The following NPSR1 variants were observed in gnomAD, a reference collection of about 807,000 sequenced individuals.
The protein encoded by NPSR1 is neuropeptide S receptor 1, also known as neuropeptide S receptor.
Under a neutral mutation model 46.9 loss-of-function variants are expected in NPSR1, and 48 were observed. That is an observed-to-expected ratio of 1.02 (90% CI 0.81 to 1.30). NPSR1 has a LOEUF of 1.30. Ranked by LOEUF, NPSR1 falls within the 50% of genes most tolerant of loss-of-function variation. The pLI, the probability that NPSR1 is intolerant of heterozygous loss-of-function variation, is 0.00. For synonymous variants in NPSR1, 176 were observed against 168.1 expected (o/e 1.05, Z -0.36); for missense variants, 450 against 449.5 (o/e 1.00, Z -0.01).
At chr7:34,830,528 A>G (rs1050132125) in intron 5 of NPSR1, among the ~76,000 whole-genome samples, 1 of 152,116 alleles carries the variant, frequency 6.6e-6, no homozygotes, top group Non-Finnish European at 1.5e-5. Context: ...TTCTTGTTTA[A>G]ATGTTTTTAT....
At chr7:34,762,509 T>C (rs1003839020) in intron 2 of NPSR1, among the ~76,000 whole-genome samples, 1 of 152,214 alleles carries the variant, frequency 6.6e-6, no homozygotes, top group Non-Finnish European at 1.5e-5. Flanking sequence ...TCTTCAAGAC[T>C]TGTGCCATTT....
At chr7:34,667,007 A>C (rs1303650210) in intron 1 of NPSR1, among the ~76,000 whole-genome samples, 1 of 152,224 alleles carries the variant, frequency 6.6e-6, no homozygotes, top group African/African-American at 2.4e-5. Flanking sequence ...TTTTATGAAA[A>C]AATACTAAAA....
chr7:34,735,427 C>A (rs577093728), intron 2 of NPSR1, among the ~76,000 whole-genome samples: 2 of 147,504 alleles, frequency 1.4e-5, no homozygotes, highest in South Asian at 4.3e-4. Flanking sequence ...ATCCTGGAGC[C>A]CTCTTCCCCT....
chr7:34,722,105 TA>T (rs1046223159), intron 2 of NPSR1, among the ~76,000 whole-genome samples: 5 of 151,418 alleles, frequency 3.3e-5, no homozygotes, highest in Non-Finnish European at 7.4e-5. Flanking sequence ...GTTTCATTAG[TA>T]AAAAAAAATT....
chr7:34,733,867 G>A (rs941636385), intron 2 of NPSR1, among the ~76,000 whole-genome samples: 6 of 152,214 alleles, frequency 3.9e-5, no homozygotes, highest in South Asian at 2.1e-4. Context: ...TTTCTCTTAC[G>A]AATGCCGAGG....
intron 2 of NPSR1, among the ~76,000 whole-genome samples, chr7:34,692,259 A>T (rs1793303399): frequency 6.6e-6 from 1 of 152,212 alleles, no homozygotes; most frequent in African/African-American, 2.4e-5. Flanking sequence ...CATTCTTCTC[A>T]TCTGTACATG....
At chr7:34,842,641 A>G (rs2128763011) in intron 6 of NPSR1, among the ~76,000 whole-genome samples, 1 of 152,360 alleles carries the variant, frequency 6.6e-6, no homozygotes. Context: ...AGACCCTAAT[A>G]GTAGTTAGGA....
chr7:34,842,110 T>A (rs182363792), intron 6 of NPSR1, among the ~76,000 whole-genome samples: 39 of 152,338 alleles, frequency 2.6e-4, no homozygotes, highest in Admixed American at 1.3e-3. Context: ...ATATCCAACA[T>A]CCAAGCTTGG....
Position 34,790,769 on chromosome 7 carries a change from AAT to A in NPSR1, c.384+12209_384+12210del, listed in dbSNP as rs1554330711. 1.3e-4 allele frequency among the ~76,000 whole-genome samples: 16 copies of A among 118,962 alleles called. No individual in the cohort carries two copies. The East Asian group carries it at 2.8e-3, about 21-fold the overall frequency. The allele number at this position is 118,962 out of a possible 152,430, so 78.0% of individuals were successfully genotyped here. ...ATAATATATGTTATATGTTATATAT[AAT>A]ATATGTTATATGTTATATATATGTT... On this transcript the variant is annotated intron_variant, in intron 3 of 8. Transcript: ENST00000360581.
chr7:34,679,283 G>A (rs1792490741), intron 1 of NPSR1, among the ~76,000 whole-genome samples: 2 of 152,104 alleles, frequency 1.3e-5, no homozygotes, highest in South Asian at 4.1e-4. Context: ...ATTAAAAATA[G>A]ACTGTCAGTT....
intron 3 of NPSR1, among the ~76,000 whole-genome samples, chr7:34,782,789 A>G (rs62462895): frequency 0.15 from 22,475 of 152,212 alleles, 2,066 homozygotes; most frequent in Non-Finnish European, 0.21. Context: ...ACTGGCCCCA[A>G]TGAAATAGAG....
intron 1 of NPSR1, among the ~76,000 whole-genome samples, chr7:34,668,710 C>T (rs1460372683): frequency 2.0e-5 from 3 of 152,140 alleles, no homozygotes; most frequent in African/African-American, 7.2e-5. Context: ...ATGGAAGCCC[C>T]ATGTCAACAA....
At chr7:34,788,299 C>A (rs1165986178) in intron 3 of NPSR1, among the ~76,000 whole-genome samples, 4 of 150,926 alleles carry the variant, frequency 2.7e-5, no homozygotes, top group African/African-American at 9.8e-5. Context: ...TCAAAGCATA[C>A]CATTAGAGAA....
chr7:34,780,898 T>C (rs1323275325), intron 3 of NPSR1, among the ~76,000 whole-genome samples: 1 of 152,162 alleles, frequency 6.6e-6, no homozygotes, highest in Non-Finnish European at 1.5e-5. Context: ...TCAAAACAGT[T>C]ACAGGCAATT....
At chr7:34,803,359 C>T (rs541311503) in intron 3 of NPSR1, among the ~76,000 whole-genome samples, 4 of 152,170 alleles carry the variant, frequency 2.6e-5, no homozygotes, top group African/African-American at 9.6e-5. Flanking sequence ...AAATGTGGCA[C>T]ATATACACCA....
intron 2 of NPSR1, among the ~76,000 whole-genome samples, chr7:34,717,730 G>GACTC (rs1783649064): frequency 6.6e-6 from 1 of 152,216 alleles, no homozygotes; most frequent in Non-Finnish European, 1.5e-5. Flanking sequence ...TAGGATTTCA[G>GACTC]AATGTATAAT....
At chr7:34,791,687 G>A (rs1787889458) in intron 3 of NPSR1, among the ~76,000 whole-genome samples, 1 of 151,786 alleles carries the variant, frequency 6.6e-6, no homozygotes, top group South Asian at 2.1e-4. Flanking sequence ...ATGTTTTACA[G>A]AAATTAAAAA....
intron 2 of NPSR1, among the ~76,000 whole-genome samples, chr7:34,736,193 C>T (rs193261046): frequency 6.6e-6 from 1 of 152,270 alleles, no homozygotes; most frequent in East Asian, 1.9e-4. Flanking sequence ...CAGAATTTGA[C>T]ACATCTGATC....
Position 34,760,619 on chromosome 7 carries a change from A to T in NPSR1, c.281-17843A>T, listed in dbSNP as rs147590617. Among the ~76,000 whole-genome samples, 522 of 152,356 alleles carry T rather than the reference A, an allele frequency of 3.4e-3. 3 individuals are homozygous for T. Among genetic ancestry groups the T allele is most frequent in the African/African-American group, 0.012 (508 of 41,576 alleles). On this transcript the variant is annotated intron_variant, in intron 2 of 8. Transcript: ENST00000360581. ...GGAAAATATCAAATCATAACTGCAG[A>T]GGAAAAAAGTCAAATTTAAGCTTAG...
Sources: allele counts gnomAD v4.1 joint callset (sites outside exome capture counted in the v4.1 genomes callset), GRCh38; gene constraint gnomAD v4.1.1; transcripts MANE v1.5; gene names NCBI Gene and HGNC (gene_info 2026-07-23, HGNC 2026-07-21).